The following ERC1 variants were observed in gnomAD, a reference collection of about 807,000 sequenced individuals.
ERC1 encodes the protein ELKS/RAB6-interacting/CAST family member 1.
Under a neutral mutation model 132.0 loss-of-function variants are expected in ERC1, and 56 were observed. That is an observed-to-expected ratio of 0.42 (90% CI 0.34 to 0.53). The LOEUF is 0.53. ERC1 is among the 20% of genes least tolerant of loss of function. ERC1 has a pLI of 0.03. For missense variants in ERC1, 1,202 were observed against 1,349.9 expected (o/e 0.89, Z 1.72); for synonymous variants, 478 against 476.1 (o/e 1.00, Z -0.05).
chr12:1,298,147 G>A (rs1032477542), intron 15 of ERC1, among the ~76,000 whole-genome samples: 1 of 152,172 alleles, frequency 6.6e-6, no homozygotes, highest in Non-Finnish European at 1.5e-5. Flanking sequence ...CGAAGTGTTC[G>A]ATGTGAAGTA....
chr12:1,129,664 A>G (rs1948564581), intron 7 of ERC1, among the ~76,000 whole-genome samples: 2 of 152,232 alleles, frequency 1.3e-5, no homozygotes, highest in Non-Finnish European at 2.9e-5. Flanking sequence ...TTAGTGAAAA[A>G]CATTGGCAAC....
intron 15 of ERC1, among the ~76,000 whole-genome samples, chr12:1,305,224 G>A (rs1423956463): frequency 6.6e-6 from 1 of 152,112 alleles, no homozygotes; most frequent in Non-Finnish European, 1.5e-5. Flanking sequence ...ACTCTTTCTG[G>A]ACCAGTTTTT....
intron 8 of ERC1, among the ~76,000 whole-genome samples, chr12:1,169,920 A>G (rs1018040463): frequency 5.9e-5 from 9 of 152,252 alleles, no homozygotes; most frequent in Admixed American, 2.6e-4. Context: ...GCCCCAAAGA[A>G]ACCCCTAGAG....
intron 2 of ERC1, among the ~76,000 whole-genome samples, chr12:1,035,366 C>T (rs925136764): frequency 2.6e-5 from 4 of 152,138 alleles, no homozygotes; most frequent in Admixed American, 2.0e-4. Flanking sequence ...GACGCATTTG[C>T]TTAGAATTAC....
chr12:1,304,525 A>G (rs2080686570), intron 15 of ERC1, among the ~76,000 whole-genome samples: 2 of 152,354 alleles, frequency 1.3e-5, no homozygotes, highest in South Asian at 4.1e-4. Flanking sequence ...CGAAGGCAAG[A>G]TACATGAAAA....
chr12:1,150,008 T>G (rs1473295967), intron 8 of ERC1, among the ~76,000 whole-genome samples: 2 of 152,212 alleles, frequency 1.3e-5, no homozygotes, highest in Non-Finnish European at 2.9e-5. Context: ...ATCAAGATTT[T>G]GCTTTAGGGG....
chr12:1,310,245 A>T (rs1350606296), intron 15 of ERC1, among the ~76,000 whole-genome samples: 5 of 80,938 alleles, frequency 6.2e-5, no homozygotes, highest in East Asian at 2.9e-4. Flanking sequence ...TTTTATTTTG[A>T]GGAACAGTTT....
intron 12 of ERC1, among the ~76,000 whole-genome samples, chr12:1,209,659 G>A (rs1431844865): frequency 6.6e-6 from 1 of 152,208 alleles, no homozygotes; most frequent in Non-Finnish European, 1.5e-5. Flanking sequence ...TTGGATGGGA[G>A]CTTGTTAAAA....
chr12:1,012,575 C>T (rs1173961352), intron 1 of ERC1, among the ~76,000 whole-genome samples: 10 of 148,582 alleles, frequency 6.7e-5, no homozygotes, highest in Admixed American at 6.2e-4. Flanking sequence ...TGGGTTCAAG[C>T]TATTCTTCTG....
At chr12:1,037,809 C>G (rs1969368290) in intron 2 of ERC1, among the ~76,000 whole-genome samples, 1 of 151,996 alleles carries the variant, frequency 6.6e-6, no homozygotes, top group Non-Finnish European at 1.5e-5. Context: ...CTTTGGGAGG[C>G]CGAGGCGGGC....
intron 18 of ERC1, among the ~76,000 whole-genome samples, chr12:1,483,076 C>T (rs576188950): frequency 7.9e-5 from 12 of 152,242 alleles, no homozygotes; most frequent in African/African-American, 2.2e-4. Flanking sequence ...GTGGGCAGAT[C>T]GCTTGAGCCC....
intron 1 of ERC1, among the ~76,000 whole-genome samples, chr12:1,021,484 G>A (rs1846495910): frequency 6.6e-6 from 1 of 151,752 alleles, no homozygotes; most frequent in African/African-American, 2.4e-5. Flanking sequence ...CGAGGTGGGC[G>A]GTCAGGAGAT....
At chr12:1,486,463 C>T (rs1481863825) in intron 18 of ERC1, among the ~76,000 whole-genome samples, 1 of 150,784 alleles carries the variant, frequency 6.6e-6, no homozygotes, top group Non-Finnish European at 1.5e-5. Flanking sequence ...CTTGCTCTGT[C>T]ACCCAGGCTG....
At chr12:1,157,093 T>C (rs1951470567) in intron 8 of ERC1, among the ~76,000 whole-genome samples, 1 of 152,168 alleles carries the variant, frequency 6.6e-6, no homozygotes, top group African/African-American at 2.4e-5. Flanking sequence ...CATGCCAAAG[T>C]CATTTTCATT....
At chr12:1,293,629 CA>C (rs570069080) in intron 15 of ERC1, among the ~76,000 whole-genome samples, 3,684 of 110,370 alleles carry the variant, frequency 0.033, 136 homozygotes, top group African/African-American at 0.11. Context: ...AACTCTGTCT[CA>C]AAAAAAAAAA....
At chr12:1,415,237 C>T (rs1415375839) in intron 17 of ERC1, among the ~76,000 whole-genome samples, 1 of 152,196 alleles carries the variant, frequency 6.6e-6, no homozygotes, top group Non-Finnish European at 1.5e-5. Flanking sequence ...GACTTCACCC[C>T]GTGGAGCAGT....
chr12:1,441,461 A>G (rs151158188), intron 17 of ERC1, among the ~76,000 whole-genome samples: 312 of 152,322 alleles, frequency 2.0e-3, no homozygotes, highest in African/African-American at 6.9e-3. Context: ...ATTCTGTTTT[A>G]CTATAAGGAA....
chr12:1,223,403 A>G (rs969414993), intron 12 of ERC1, among the ~76,000 whole-genome samples: 3 of 152,214 alleles, frequency 2.0e-5, no homozygotes, highest in African/African-American at 4.8e-5. Flanking sequence ...AACATTGTGC[A>G]TTTAGTGTGT....
chr12:1,171,356 CTTTTTTTTTTT>C (rs57007848), intron 8 of ERC1, among the ~76,000 whole-genome samples: 7 of 87,300 alleles, frequency 8.0e-5, no homozygotes, highest in African/African-American at 1.2e-4. Context: ...GCAAAACATT[CTTTTTTTTTTT>C]TTTTTTTTTT....
Sources: allele counts gnomAD v4.1 joint callset (sites outside exome capture counted in the v4.1 genomes callset), GRCh38; gene constraint gnomAD v4.1.1; transcripts MANE v1.5; gene names NCBI Gene and HGNC (gene_info 2026-07-23, HGNC 2026-07-21).